HTR7: variants seen among roughly 807,000 people sequenced by gnomAD.
The protein encoded by HTR7 is 5-HT-7.
HTR7 carries 16 observed loss-of-function variants against 34.0 expected under a neutral mutation model. The observed-to-expected ratio is 0.47, with a 90% CI of 0.32 to 0.71. HTR7 has a LOEUF of 0.71. HTR7 is among the 30% of genes least tolerant of loss of function. The pLI is 0.04. For synonymous variants in HTR7, 265 were observed against 260.2 expected (o/e 1.02, Z -0.18); for missense variants, 504 against 625.5 (o/e 0.81, Z 2.07).
intron 1 of HTR7, among the ~76,000 whole-genome samples, chr10:90,838,411 A>T: frequency 6.6e-6 from 1 of 151,958 alleles, no homozygotes; most frequent in Non-Finnish European, 1.5e-5. Context: ...CACTACTCCA[A>T]CCCAGTCCAA....
intron 1 of HTR7, among the ~76,000 whole-genome samples, chr10:90,794,462 T>C (rs1466746191): frequency 6.6e-6 from 1 of 152,206 alleles, no homozygotes; most frequent in Non-Finnish European, 1.5e-5. Flanking sequence ...TCAAGTACTA[T>C]GTACTATACA....
chr10:90,804,275 T>A (rs952429347), intron 1 of HTR7, among the ~76,000 whole-genome samples: 18 of 151,988 alleles, frequency 1.2e-4, no homozygotes, highest in Non-Finnish European at 2.6e-4. Context: ...ATCCTTCGAG[T>A]CTGTGTGACA....
intron 1 of HTR7, among the ~76,000 whole-genome samples, chr10:90,805,252 C>A (rs1400092847): frequency 6.6e-6 from 1 of 152,092 alleles, no homozygotes; most frequent in African/African-American, 2.4e-5. Flanking sequence ...ATGGTTTGGG[C>A]CCTAAAAACC....
chr10:90,794,657 C>T (rs1358189648), intron 1 of HTR7, among the ~76,000 whole-genome samples: 1 of 152,038 alleles, frequency 6.6e-6, no homozygotes, highest in Non-Finnish European at 1.5e-5. Flanking sequence ...CACACCACCA[C>T]ACCTGGCTAT....
chr10:90,773,973 A>G (rs1266261982), intron 1 of HTR7, among the ~76,000 whole-genome samples: 1 of 151,684 alleles, frequency 6.6e-6, no homozygotes, highest in Non-Finnish European at 1.5e-5. Flanking sequence ...TTTTTTTCCG[A>G]TCTGCCAACT....
At chr10:90,789,288 T>C (rs1467856585) in intron 1 of HTR7, among the ~76,000 whole-genome samples, 1 of 152,208 alleles carries the variant, frequency 6.6e-6, no homozygotes, top group African/African-American at 2.4e-5. Context: ...TTTGACTCTT[T>C]TGTGATTTTT....
At chr10:90,750,011 C>T (rs1247362709) in intron 1 of HTR7, among the ~76,000 whole-genome samples, 8 of 152,320 alleles carry the variant, frequency 5.3e-5, no homozygotes, top group Admixed American at 4.6e-4. Flanking sequence ...TGGTATTATA[C>T]ACCCAGTGAT....
chr10:90,749,483 T>C lies in HTR7; in HGVS notation c.651A>G (p.Pro217=), dbSNP rs745646502. 3.1e-6 allele frequency: 5 copies of C among 1,613,384 alleles called. No homozygotes were observed. The highest frequency in any genetic ancestry group is 2.7e-5 in the African/African-American group (2 of 74,646). Residue 217 remains proline (P), a synonymous_variant, in exon 2 of 4, where the codon CCA becomes CCG. Coordinates refer to ENST00000336152, the MANE Select transcript of HTR7 (RefSeq NM_019859.4). The surrounding 1 kb of genome is among the most constrained non-coding windows in gnomAD (Gnocchi z 4.2). ...WLLSASITLP[P]LFGWAQNVND... ...TTACATTCTGAGCCCATCCAAAGAG[T>C]GGAGGTAAGGTGATGGAGGCGGAGA...
intron 3 of HTR7, among the ~76,000 whole-genome samples, chr10:90,743,345 A>G (rs1231743403): frequency 6.6e-6 from 1 of 152,136 alleles, no homozygotes; most frequent in Non-Finnish European, 1.5e-5. Flanking sequence ...GCCTCACACA[A>G]TAACACCTGA....
chr10:90,770,790 G>A (rs752706556), intron 1 of HTR7, among the ~76,000 whole-genome samples: 16 of 152,226 alleles, frequency 1.1e-4, no homozygotes, highest in Non-Finnish European at 2.2e-4. Context: ...ATGGACCCTA[G>A]CAGGAGGCAG....
chr10:90,744,588 C>T (rs1363278756), intron 2 of HTR7, among the ~76,000 whole-genome samples: 13 of 82,070 alleles, frequency 1.6e-4, no homozygotes, highest in African/African-American at 4.6e-4. Context: ...GGGGGGTGGG[C>T]GGGGGGTTGC....
chr10:90,773,154 T>C (rs1313080836), intron 1 of HTR7, among the ~76,000 whole-genome samples: 1 of 152,206 alleles, frequency 6.6e-6, no homozygotes, highest in African/African-American at 2.4e-5. Flanking sequence ...GAAATACCCA[T>C]TTAAAGCATC....
chr10:90,840,482 G>A (rs2226116), intron 1 of HTR7, among the ~76,000 whole-genome samples: 1 of 152,098 alleles, frequency 6.6e-6, no homozygotes, highest in Non-Finnish European at 1.5e-5. Context: ...TGCAATGCAA[G>A]TGTCCTCAAC....
intron 1 of HTR7, among the ~76,000 whole-genome samples, chr10:90,777,934 C>G (rs1218167998): frequency 6.6e-6 from 1 of 152,182 alleles, no homozygotes; most frequent in East Asian, 1.9e-4. Flanking sequence ...CCCACACACC[C>G]CTTCATCTCT....
intron 1 of HTR7, among the ~76,000 whole-genome samples, chr10:90,788,647 A>G (rs1845417796): frequency 6.6e-6 from 1 of 152,244 alleles, no homozygotes. Flanking sequence ...AAGATTAAAC[A>G]ATGGCTCTAC....
At chr10:90,803,817 G>A (rs983572003) in intron 1 of HTR7, among the ~76,000 whole-genome samples, 8 of 152,146 alleles carry the variant, frequency 5.3e-5, no homozygotes, top group Non-Finnish European at 1.0e-4. Flanking sequence ...ATAATGGTAC[G>A]AACAGGAGGC....
At chr10:90,779,665 G>C (rs1048128541) in intron 1 of HTR7, among the ~76,000 whole-genome samples, 1 of 152,184 alleles carries the variant, frequency 6.6e-6, no homozygotes, top group African/African-American at 2.4e-5. Flanking sequence ...CAGGCCAGGG[G>C]AAGAGTGCTC....
chr10:90,836,873 A>T (rs1846260529), intron 1 of HTR7, among the ~76,000 whole-genome samples: 1 of 152,220 alleles, frequency 6.6e-6, no homozygotes, highest in African/African-American at 2.4e-5. Context: ...ATCATGAGGA[A>T]TATGGTTTAG....
intron 1 of HTR7, among the ~76,000 whole-genome samples, chr10:90,809,817 G>A (rs999065220): frequency 1.3e-5 from 2 of 152,202 alleles, no homozygotes; most frequent in African/African-American, 4.8e-5. Flanking sequence ...TCACCTGGCA[G>A]CCACTCCCAG....
Sources: gnomAD v4.1 joint callset for allele counts (sites outside exome capture counted in the v4.1 genomes callset) on GRCh38, gnomAD v4.1.1 for gene constraint, Gnocchi (gnomAD v3.1) non-coding constraint, MANE v1.5 for transcripts, NCBI Gene and HGNC (gene_info 2026-07-23, HGNC 2026-07-21) for gene names.